ANKRD33B: variants seen among roughly 807,000 people sequenced by gnomAD.
ANKRD33B encodes ankyrin repeat domain 33B.
ANKRD33B carries 6 observed loss-of-function variants against 21.5 expected under a neutral mutation model. The observed-to-expected ratio is 0.28, with a 90% CI of 0.15 to 0.55. The LOEUF is 0.55. Ranked by LOEUF, ANKRD33B falls within the 20% of genes least tolerant of loss-of-function variation. The pLI, the probability that ANKRD33B is intolerant of heterozygous loss-of-function variation, is 0.94. For missense variants in ANKRD33B, 698 were observed against 747.2 expected, an observed-to-expected ratio of 0.93 and a Z score of 0.77; for synonymous variants, 347 against 342.4, an observed-to-expected ratio of 1.01 and a Z score of -0.15.
At chr5:10,620,740 GGTGTGTCCTATCAGGACACATACTGCCA>G (rs1003294518) in intron 2 of ANKRD33B, among the ~76,000 whole-genome samples, 2 of 152,170 alleles carry the variant, frequency 1.3e-5, no homozygotes, top group East Asian at 1.9e-4. Flanking sequence ...ATATGTCCTT[GGTGTGTCCTATCAGGACACATACTGCCA>G]GTGTGTCCTG....
rs528875447 is a variant in ANKRD33B, at chr5:10,570,038, G to A, written c.366+5205G>A. Among the ~76,000 whole-genome samples the A allele has an allele frequency of 2.6e-5, 4 of 152,174 alleles. No individual in the cohort carries two copies. The East Asian group carries it at 5.8e-4, about 22-fold the overall frequency. ...ATTACAGGCATGTGCCACCATGCCCGACTAATTTTTATGTTTTTAGTAGAG... is the reference window on the plus strand; with the variant it reads ...ATTACAGGCATGTGCCACCATGCCCAACTAATTTTTATGTTTTTAGTAGAG... On this transcript the variant is annotated intron_variant, in intron 1 of 3. Transcript: ENST00000296657.
chr5:10,609,158 T>A (rs1357444673), intron 1 of ANKRD33B, among the ~76,000 whole-genome samples: 1 of 152,254 alleles, frequency 6.6e-6, no homozygotes, highest in Non-Finnish European at 1.5e-5. Flanking sequence ...AATTTTTCTA[T>A]TGATTACATT....
intron 3 of ANKRD33B, among the ~76,000 whole-genome samples, chr5:10,648,929 G>A (rs901926493): frequency 7.2e-5 from 11 of 152,044 alleles, no homozygotes; most frequent in Admixed American, 1.3e-4. Flanking sequence ...CCAGCAGTTC[G>A]AAACCAGCCT....
chr5:10,590,734 C>G (rs909619097), intron 1 of ANKRD33B, among the ~76,000 whole-genome samples: 2 of 152,180 alleles, frequency 1.3e-5, no homozygotes, highest in African/African-American at 4.8e-5. Context: ...CCTGCAAACC[C>G]TCGAGAGTAT....
intron 3 of ANKRD33B, among the ~76,000 whole-genome samples, chr5:10,640,840 C>CCCCA (rs1053349000): frequency 4.6e-5 from 7 of 152,198 alleles, no homozygotes; most frequent in African/African-American, 9.7e-5. Context: ...GATCAAGGTG[C>CCCCA]CGGCAGGTTC....
intron 2 of ANKRD33B, among the ~76,000 whole-genome samples, chr5:10,637,379 C>T (rs1194718485): frequency 1.4e-5 from 2 of 147,168 alleles, no homozygotes; most frequent in Admixed American, 7.0e-5. Flanking sequence ...TAGCTGAGGG[C>T]CTTGCCTGCG....
intron 1 of ANKRD33B, among the ~76,000 whole-genome samples, chr5:10,590,601 CGCGCGCGTGT>C (rs61053113): frequency 0.099 from 14,931 of 150,738 alleles, 1,102 homozygotes; most frequent in African/African-American, 0.2. Context: ...CGCGCGCGCG[CGCGCGCGTGT>C]GTGTGTGTGT....
intron 1 of ANKRD33B, among the ~76,000 whole-genome samples, chr5:10,587,124 C>T (rs932382233): frequency 1.2e-4 from 18 of 152,142 alleles, no homozygotes; most frequent in Admixed American, 1.0e-3. Flanking sequence ...AAGCAATTCT[C>T]CCACCTCAGC....
intron 1 of ANKRD33B, among the ~76,000 whole-genome samples, chr5:10,565,555 T>G (rs1401517286): frequency 6.6e-6 from 1 of 152,100 alleles, no homozygotes; most frequent in Non-Finnish European, 1.5e-5. Flanking sequence ...TCCACCCGGG[T>G]AGGGCAGGAG....
At chr5:10,644,311 C>T (rs1239880967) in intron 3 of ANKRD33B, among the ~76,000 whole-genome samples, 1 of 152,280 alleles carries the variant, frequency 6.6e-6, no homozygotes. Flanking sequence ...AAGGGAGTTG[C>T]AGAACCTTGT....
At chr5:10,579,376 A>G (rs952044414) in intron 1 of ANKRD33B, among the ~76,000 whole-genome samples, 3 of 150,902 alleles carry the variant, frequency 2.0e-5, no homozygotes, top group Admixed American at 1.3e-4. Flanking sequence ...TGGAAAAACC[A>G]TTTGGAAAAG....
intron 1 of ANKRD33B, among the ~76,000 whole-genome samples, chr5:10,565,476 C>T (rs1201142376): frequency 3.9e-5 from 6 of 152,226 alleles, no homozygotes; most frequent in Admixed American, 3.9e-4. Flanking sequence ...CGCAGGTCAC[C>T]TTCGCGAGCC....
chr5:10,645,882 A>C (rs1737177573), intron 3 of ANKRD33B, among the ~76,000 whole-genome samples: 1 of 152,214 alleles, frequency 6.6e-6, no homozygotes, highest in African/African-American at 2.4e-5. Context: ...AGCTGGAGGT[A>C]ATGTTGCCCC....
In ANKRD33B at chr5:10,656,158, C is replaced by CA. The variant is rs1165595204; in HGVS notation, c.*6046dup. 1 of 152,278 alleles carries CA rather than the reference C, an allele frequency of 6.6e-6. No homozygotes were observed. The highest frequency in any genetic ancestry group is 1.9e-4 in the East Asian group (1 of 5,332). 9.4% of individuals were successfully genotyped at this position (152,278 alleles called of 1,614,324 possible). ...CTGCTTATTTCTGTGCCCTTGCACT[C>CA]ACAGGTTCCTTCATTAACATTTTAA... On this transcript the variant is annotated 3_prime_UTR_variant, in exon 4 of 4. Coordinates refer to ENST00000296657, the MANE Select transcript of ANKRD33B (RefSeq NM_001164440.2).
intron 1 of ANKRD33B, among the ~76,000 whole-genome samples, chr5:10,577,165 T>C (rs1481789340): frequency 6.6e-6 from 1 of 151,934 alleles, no homozygotes; most frequent in Non-Finnish European, 1.5e-5. Context: ...GTTTCACTCT[T>C]GTTGCCCAGT....
At position 10,630,227 on chromosome 5, in the gene ANKRD33B, TGCTC is replaced by T. The variant is rs536955311; in HGVS notation, c.497-7800_497-7797del. Among the ~76,000 whole-genome samples, 411 of 152,342 alleles carry T rather than the reference TGCTC, an allele frequency of 2.7e-3. 1 individual carries two copies. Among genetic ancestry groups the T allele is most frequent in the African/African-American group, 9.2e-3 (381 of 41,580 alleles). On this transcript the variant is annotated intron_variant, in intron 2 of 3. Transcript: ENST00000296657. The stretch of plus-strand genomic sequence containing the variant: ...GGGATCTGTTGATCTAAACTGTCCT[TGCTC>T]AAGTCTGTGGGCAAGTCGGGGACCT...
At chr5:10,615,649 T>C (rs190763197) in intron 1 of ANKRD33B, among the ~76,000 whole-genome samples, 85 of 152,384 alleles carry the variant, frequency 5.6e-4, no homozygotes, top group African/African-American at 2.0e-3. Flanking sequence ...ATAACTTTTT[T>C]TCTTCTCTTT....
chr5:10,645,217 C>A (rs1216492172), intron 3 of ANKRD33B, among the ~76,000 whole-genome samples: 3 of 152,114 alleles, frequency 2.0e-5, no homozygotes, highest in African/African-American at 7.2e-5. Flanking sequence ...CAAGGGGAGG[C>A]AGTGAGGGCT....
intron 1 of ANKRD33B, among the ~76,000 whole-genome samples, chr5:10,615,692 ATTAC>A (rs1355165307): frequency 6.6e-6 from 1 of 152,186 alleles, no homozygotes; most frequent in African/African-American, 2.4e-5. Context: ...ATAAATATGA[ATTAC>A]TTGTGTAATT....
Sources: gnomAD v4.1 joint callset for allele counts (sites outside exome capture counted in the v4.1 genomes callset) on GRCh38, gnomAD v4.1.1 for gene constraint, MANE v1.5 for transcripts, NCBI Gene and HGNC (gene_info 2026-07-23, HGNC 2026-07-21) for gene names.